Variants in PHLPP1 observed in about 807,000 individuals in gnomAD.
PHLPP1 encodes the protein PH domain leucine-rich repeat-containing protein phosphatase 1.
PHLPP1 carries 42 observed loss-of-function variants against 117.2 expected under a neutral mutation model. The observed-to-expected ratio is 0.36, with a 90% CI of 0.28 to 0.46. The LOEUF (loss-of-function observed/expected upper bound fraction) is 0.46, where lower values mean the gene tolerates loss of function less well. Ranked by LOEUF, PHLPP1 falls within the 20% of genes least tolerant of loss-of-function variation. The pLI is 1.00. For synonymous variants in PHLPP1, 1,042 were observed against 970.7 expected (o/e 1.07, Z -1.37); for missense variants, 2,084 against 2,241.9 (o/e 0.93, Z 1.42).
chr18:62,932,001 C>A (rs1654767254), intron 10 of PHLPP1, among the ~76,000 whole-genome samples: 1 of 151,456 alleles, frequency 6.6e-6, no homozygotes, highest in Non-Finnish European at 1.5e-5. Flanking sequence ...TCTCTACACA[C>A]ACAAAGTAGA....
chr18:62,953,385 G>A (rs1599139553), intron 12 of PHLPP1, among the ~76,000 whole-genome samples: 1 of 152,132 alleles, frequency 6.6e-6, no homozygotes, highest in Non-Finnish European at 1.5e-5. Flanking sequence ...CCTTCCTGCT[G>A]TACCTGCTAT....
At chr18:62,721,799 C>T (rs1910928508) in intron 1 of PHLPP1, among the ~76,000 whole-genome samples, 1 of 151,974 alleles carries the variant, frequency 6.6e-6, no homozygotes, top group African/African-American at 2.4e-5. Context: ...ATCAAATCAC[C>T]CACCTTAAAT....
Position 62,941,910 on chromosome 18 carries a change from T to C in PHLPP1, c.3153T>C (p.Phe1051=). The change falls in exon 11 of 17, where the codon TTT becomes TTC. Residue 1051 remains phenylalanine, a synonymous_variant. Coordinates refer to ENST00000262719, the MANE Select transcript of PHLPP1 (RefSeq NM_194449.4). ...LHMAYNRLQS[F]PASKMAKLEE... ...TGGCCTATAACCGACTTCAGAGTTT[T>C]CCAGCAAGGTAAAGGACAGTTGTAA... 1 of 1,613,244 alleles carries C rather than the reference T, an allele frequency of 6.2e-7. No homozygotes were observed. Among genetic ancestry groups the C allele is most frequent in the Non-Finnish European group, 8.5e-7 (1 of 1,179,260 alleles).
chr18:62,732,243 C>T (rs1911246971), intron 1 of PHLPP1, among the ~76,000 whole-genome samples: 1 of 152,146 alleles, frequency 6.6e-6, no homozygotes, highest in African/African-American at 2.4e-5. Context: ...GATAGGCTGA[C>T]TCTCTTGTTA....
intron 1 of PHLPP1, among the ~76,000 whole-genome samples, chr18:62,728,753 C>T (rs548373108): frequency 3.7e-3 from 565 of 152,154 alleles, no homozygotes; most frequent in African/African-American, 6.8e-3. Context: ...GTGATCTGCC[C>T]GCCTCGGCCT....
chr18:62,976,496 A>G (rs1405115729), intron 16 of PHLPP1, among the ~76,000 whole-genome samples: 1 of 152,250 alleles, frequency 6.6e-6, no homozygotes, highest in East Asian at 1.9e-4. Flanking sequence ...CATGTAGGTC[A>G]CAGAAATCAT....
chr18:62,871,517 G>A (rs903144694), intron 4 of PHLPP1, among the ~76,000 whole-genome samples: 13 of 151,844 alleles, frequency 8.6e-5, no homozygotes, highest in Non-Finnish European at 1.8e-4. Flanking sequence ...TTGTAGAGAC[G>A]GAGTTTCACC....
At chr18:62,760,408 AT>A (rs1405965483) in intron 1 of PHLPP1, among the ~76,000 whole-genome samples, 2 of 152,066 alleles carry the variant, frequency 1.3e-5, no homozygotes, top group African/African-American at 4.8e-5. Context: ...ATGGGTTCCT[AT>A]TTTTGTGATA....
intron 3 of PHLPP1, among the ~76,000 whole-genome samples, chr18:62,845,787 C>T (rs1190051660): frequency 6.6e-6 from 1 of 152,156 alleles, no homozygotes; most frequent in African/African-American, 2.4e-5. Flanking sequence ...TGATAAGAAG[C>T]TTTGCTATCA....
rs886515333 is a variant in PHLPP1, at chr18:62,979,897, G to C, written c.*466G>C. ...TTTTGTTTTTGTCTTGAAAATAATA[G>C]ACATTTGTAGAATATGGAGACTAAC... is the stretch of plus-strand genomic sequence containing the variant. On this transcript the variant is annotated 3_prime_UTR_variant, in exon 17 of 17. Transcript: ENST00000262719. The C allele has an allele frequency of 3.1e-5, 5 of 160,030 alleles. No homozygotes were observed. The highest frequency in any genetic ancestry group is 1.2e-4 in the African/African-American group (5 of 41,428). The allele number at this position is 160,030 out of a possible 1,614,324, so 9.9% of individuals were successfully genotyped here.
At chr18:62,929,199 ACC>A (rs1294775815) in intron 10 of PHLPP1, among the ~76,000 whole-genome samples, 1 of 152,196 alleles carries the variant, frequency 6.6e-6, no homozygotes, top group African/African-American at 2.4e-5. Context: ...AGATCTGTGC[ACC>A]CATGATCCCT....
chr18:62,933,843 A>C (rs1331006111), intron 10 of PHLPP1, among the ~76,000 whole-genome samples: 2 of 152,204 alleles, frequency 1.3e-5, no homozygotes, highest in East Asian at 3.8e-4. Context: ...TTTGCAAACT[A>C]TGCAACTGGC....
chr18:62,900,446 T>C (rs79474954), intron 6 of PHLPP1, among the ~76,000 whole-genome samples: 1 of 114,738 alleles, frequency 8.7e-6, no homozygotes, highest in East Asian at 2.2e-4. Context: ...TTTTTTTTTT[T>C]TTTTTTTTTT....
chr18:62,724,139 C>T (rs778697096), intron 1 of PHLPP1, among the ~76,000 whole-genome samples: 2 of 152,278 alleles, frequency 1.3e-5, no homozygotes, highest in Admixed American at 1.3e-4. Flanking sequence ...TTGATTACCC[C>T]GTTCCCTGTC....
At chr18:62,953,741 C>T (rs899990740) in intron 12 of PHLPP1, among the ~76,000 whole-genome samples, 1 of 152,196 alleles carries the variant, frequency 6.6e-6, no homozygotes, top group African/African-American at 2.4e-5. Flanking sequence ...ATATGTTATA[C>T]ACTAGCAGCT....
At chr18:62,791,665 T>C (rs1913461662) in intron 1 of PHLPP1, among the ~76,000 whole-genome samples, 1 of 152,262 alleles carries the variant, frequency 6.6e-6, no homozygotes, top group Non-Finnish European at 1.5e-5. Context: ...TGAAATGCGT[T>C]AGGAAAGCAA....
At chr18:62,741,880 T>C (rs1001736290) in intron 1 of PHLPP1, among the ~76,000 whole-genome samples, 3 of 151,744 alleles carry the variant, frequency 2.0e-5, no homozygotes, top group African/African-American at 7.3e-5. Flanking sequence ...GTGAATATAG[T>C]GTACTGATTG....
At chr18:62,869,854 T>C (rs1724226048) in intron 4 of PHLPP1, among the ~76,000 whole-genome samples, 1 of 152,222 alleles carries the variant, frequency 6.6e-6, no homozygotes, top group Non-Finnish European at 1.5e-5. Context: ...GCTGTTTTGC[T>C]GCTCTTTGTA....
At chr18:62,732,443 A>G (rs1911252233) in intron 1 of PHLPP1, among the ~76,000 whole-genome samples, 1 of 152,150 alleles carries the variant, frequency 6.6e-6, no homozygotes, top group Non-Finnish European at 1.5e-5. Context: ...TTTGAGACCT[A>G]CTGCTCAGAA....
Sources: gnomAD v4.1 joint callset for allele counts (sites outside exome capture counted in the v4.1 genomes callset) on GRCh38, gnomAD v4.1.1 for gene constraint, MANE v1.5 for transcripts, NCBI Gene and HGNC (gene_info 2026-07-23, HGNC 2026-07-21) for gene names.